LIN7A: variants seen among roughly 807,000 people sequenced by gnomAD.
The protein encoded by LIN7A is protein lin-7 homolog A.
Under a neutral mutation model 29.8 loss-of-function variants are expected in LIN7A, and 25 were observed. The ratio of observed to expected loss-of-function variants is 0.84; its 90% confidence interval spans 0.61 to 1.17. The LOEUF is 1.17. LIN7A is among the 50% of genes most tolerant of loss of function. The probability of loss-of-function intolerance (pLI) is 0.00; values close to 1 mark genes in which losing one functional copy is unlikely to be tolerated. For missense variants in LIN7A, 239 were observed against 287.0 expected (o/e 0.83, Z 1.21); for synonymous variants, 118 against 107.5 (o/e 1.10, Z -0.60).
chr12:80,850,322 T>A (rs755315376), intron 2 of LIN7A, among the ~76,000 whole-genome samples: 1 of 152,188 alleles, frequency 6.6e-6, no homozygotes, highest in Non-Finnish European at 1.5e-5. Flanking sequence ...CTTCTAGGTC[T>A]GTTATGAGGA....
intron 1 of LIN7A, among the ~76,000 whole-genome samples, chr12:80,902,348 T>C (rs1876266007): frequency 6.6e-6 from 1 of 152,054 alleles, no homozygotes; most frequent in Admixed American, 6.6e-5. Flanking sequence ...CTATTTGGGC[T>C]CTTTTTTGGT....
At chr12:80,877,101 AAC>A (rs1281958645) in intron 2 of LIN7A, among the ~76,000 whole-genome samples, 14 of 149,004 alleles carry the variant, frequency 9.4e-5, no homozygotes, top group Admixed American at 2.7e-4. Context: ...CAGCCTAGCC[AAC>A]AGAGAGAGAC....
intron 2 of LIN7A, among the ~76,000 whole-genome samples, chr12:80,869,204 G>A (rs1874302311): frequency 6.6e-6 from 1 of 151,502 alleles, no homozygotes. Context: ...AAAAGGTTGT[G>A]TGGTGTAGTT....
rs1872508304 is a variant in LIN7A, at chr12:80,834,156, C to T, written c.483+11574G>A. ...TACTCGATTTTTAAGTATGTAAGGA[C>T]TACCACATATATAGTGATTAGTTCA... On this transcript the variant is annotated intron_variant, in intron 4 of 5. Coordinates refer to ENST00000552864, the MANE Select transcript of LIN7A (RefSeq NM_004664.4). Among the ~76,000 whole-genome samples, 3 of 152,180 alleles carry T rather than the reference C, an allele frequency of 2.0e-5. No individual in the cohort carries two copies. The South Asian group carries it at 6.2e-4, about 31-fold the overall frequency.
chr12:80,899,380 TG>T (rs2120719051), intron 1 of LIN7A, among the ~76,000 whole-genome samples: 1 of 152,322 alleles, frequency 6.6e-6, no homozygotes, highest in African/African-American at 2.4e-5. Context: ...GGAGTTAGTT[TG>T]TTTACATTTT....
At chr12:80,931,784 G>A (rs962062232) in intron 1 of LIN7A, among the ~76,000 whole-genome samples, 1 of 152,150 alleles carries the variant, frequency 6.6e-6, no homozygotes, top group Non-Finnish European at 1.5e-5. Flanking sequence ...ATATGAGAGA[G>A]CAAGCAAGCG....
intron 4 of LIN7A, among the ~76,000 whole-genome samples, chr12:80,829,003 C>T (rs1872217077): frequency 6.6e-6 from 1 of 152,074 alleles, no homozygotes; most frequent in Admixed American, 6.6e-5. Flanking sequence ...AATGCATTTA[C>T]ATATTTATTG....
Position 80,853,624 on chromosome 12 carries a change from T to C in LIN7A, c.202-5302A>G, listed in dbSNP as rs185492388. ...ATACTTAGATACACCTACACACTTA[T>C]TAGAATGTGTAGGTTAAAAAAAAAA... On this transcript the variant is annotated intron_variant, in intron 2 of 5. Transcript: ENST00000552864. Among the ~76,000 whole-genome samples the C allele has an allele frequency of 1.1e-4, 12 of 110,218 alleles. No homozygotes were observed. In the Admixed American group the frequency reaches 1.3e-3, roughly 12 times the overall value. 72.3% of individuals were successfully genotyped at this position (110,218 alleles called of 152,430 possible).
In LIN7A at chr12:80,899,612, C is replaced by G. The variant is rs548103654; in HGVS notation, c.83-10243G>C. Among the ~76,000 whole-genome samples, 110 of 151,960 alleles carry G rather than the reference C, an allele frequency of 7.2e-4. 1 individual carries two copies. The highest frequency in any genetic ancestry group is 2.5e-3 in the African/African-American group (105 of 41,480). ...AAATTTGGTCATGAATCCATCTGATCTTGGGCTTTTTCTGGTTGGTATGCT... is the reference window on the plus strand; with the variant it reads ...AAATTTGGTCATGAATCCATCTGATGTTGGGCTTTTTCTGGTTGGTATGCT... On this transcript the variant is annotated intron_variant, in intron 1 of 5. Coordinates refer to ENST00000552864, the MANE Select transcript of LIN7A (RefSeq NM_004664.4).
intron 1 of LIN7A, among the ~76,000 whole-genome samples, chr12:80,932,195 T>TGTAATGTATCA (rs1877951384): frequency 6.6e-6 from 1 of 152,202 alleles, no homozygotes; most frequent in Non-Finnish European, 1.5e-5. Flanking sequence ...AGAGAAAAAT[T>TGTAATGTATCA]GTAATGTATC....
Position 80,867,446 on chromosome 12 carries a change from G to A in LIN7A, c.202-19124C>T, listed in dbSNP as rs371290341. 5.9e-5 allele frequency among the ~76,000 whole-genome samples: 9 copies of A among 152,166 alleles called. No homozygotes were observed. The East Asian group carries it at 1.2e-3, about 20-fold the overall frequency. ...CACCCCTTCCCTGAGTCAGACAGGG[G>A]CTAAGAGGTGGGGGTATAAACCTGA... On this transcript the variant is annotated intron_variant, in intron 2 of 5. Transcript: ENST00000552864.
intron 4 of LIN7A, among the ~76,000 whole-genome samples, chr12:80,830,827 T>C (rs1271668274): frequency 6.6e-6 from 1 of 152,120 alleles, no homozygotes; most frequent in African/African-American, 2.4e-5. Flanking sequence ...AGGAGAATGA[T>C]CTGAATGTTC....
chr12:80,934,957 T>C (rs1257717613), intron 1 of LIN7A, among the ~76,000 whole-genome samples: 1 of 152,150 alleles, frequency 6.6e-6, no homozygotes. Context: ...ATCAAGTGTA[T>C]AGGGGAAAGC....
intron 2 of LIN7A, among the ~76,000 whole-genome samples, chr12:80,865,237 T>A (rs1874077994): frequency 6.6e-6 from 1 of 152,206 alleles, no homozygotes; most frequent in Non-Finnish European, 1.5e-5. Context: ...GTTAAGCAAG[T>A]TATCTCTGTG....
intron 5 of LIN7A, among the ~76,000 whole-genome samples, chr12:80,801,589 A>G (rs1358893228): frequency 6.6e-6 from 1 of 152,248 alleles, no homozygotes; most frequent in African/African-American, 2.4e-5. Flanking sequence ...ATGTATAAAT[A>G]TATTGAATTG....
chr12:80,894,301 T>A (rs1053615700), intron 1 of LIN7A, among the ~76,000 whole-genome samples: 2 of 152,178 alleles, frequency 1.3e-5, no homozygotes, highest in Non-Finnish European at 2.9e-5. Flanking sequence ...AGATAAGAAC[T>A]GGGGAGGCTG....
chr12:80,880,750 C>T (rs1029652240), intron 2 of LIN7A, among the ~76,000 whole-genome samples: 4 of 99,340 alleles, frequency 4.0e-5, no homozygotes, highest in African/African-American at 1.3e-4. Context: ...GAGGAGGCAA[C>T]GCACACACAC....
chr12:80,909,542 C>T (rs892295236), intron 1 of LIN7A, among the ~76,000 whole-genome samples: 1 of 151,988 alleles, frequency 6.6e-6, no homozygotes, highest in Admixed American at 6.6e-5. Context: ...CAGTGTCTGG[C>T]GAGGGTCCAC....
At chr12:80,920,403 T>C (rs977434283) in intron 1 of LIN7A, among the ~76,000 whole-genome samples, 13 of 152,192 alleles carry the variant, frequency 8.5e-5, no homozygotes, top group Non-Finnish European at 1.5e-4. Flanking sequence ...TATGGGTTTA[T>C]AGATACAACA....
Sources: allele counts gnomAD v4.1 joint callset (sites outside exome capture counted in the v4.1 genomes callset), GRCh38; gene constraint gnomAD v4.1.1; transcripts MANE v1.5; gene names NCBI Gene and HGNC (gene_info 2026-07-23, HGNC 2026-07-21).